The following CACNB4 variants were observed in gnomAD, a reference collection of about 807,000 sequenced individuals.
CACNB4 encodes the protein voltage-dependent L-type calcium channel subunit beta-4.
In CACNB4, 32 loss-of-function variants were observed where a neutral mutation model predicts 71.2. The ratio of observed to expected loss-of-function variants is 0.45; its 90% CI spans 0.34 to 0.60. The LOEUF is 0.60. Among genes scored for constraint, CACNB4 ranks in the 20% least tolerant of loss-of-function variants. The pLI is 0.01. For missense variants in CACNB4, 464 were observed against 647.9 expected, an observed-to-expected ratio of 0.72 and a Z score of 3.08; for synonymous variants, 231 against 236.9, an observed-to-expected ratio of 0.97 and a Z score of 0.23.
rs556766141 is a variant in CACNB4 at position 152,017,163 on chromosome 2, A to ATAT, written c.147+81164_147+81166dup. On this transcript the variant is annotated intron_variant, in intron 2 of 13. Transcript: ENST00000539935. ...ATAGTTATCAAGCTCTAGGGCATAC[A>ATAT]TATAACTAAGGCTGTTTAATGAAAA... is the stretch of plus-strand genomic sequence containing the variant. 1.6e-3 allele frequency among the ~76,000 whole-genome samples: 243 copies of ATAT among 150,060 alleles called. 41 individuals carry two copies. Among genetic ancestry groups the ATAT allele is most frequent in the African/African-American group, 5.9e-3 (233 of 39,366 alleles).
intron 9 of CACNB4, among the ~76,000 whole-genome samples, chr2:151,863,741 A>G (rs113883049): frequency 6.6e-6 from 1 of 152,236 alleles, no homozygotes; most frequent in Non-Finnish European, 1.5e-5. Context: ...AATTCAGAAA[A>G]AAACCTTTTC....
At chr2:151,875,186 GTGATGACTCTTAACGAGCA>G (rs1481815312) in intron 5 of CACNB4, among the ~76,000 whole-genome samples, 47 of 148,788 alleles carry the variant, frequency 3.2e-4, no homozygotes, top group Admixed American at 4.0e-4. Context: ...TTAGGGAGTG[GTGATGACTCTTAACGAGCA>G]TGCTGCCTTC....
Position 152,098,314 on chromosome 2 carries a change from C to T in CACNB4, c.147+16G>A, listed in dbSNP as rs371921613. The T allele has an allele frequency of 2.5e-6, 4 of 1,606,660 alleles. No individual in the cohort carries two copies. Among genetic ancestry groups the T allele is most frequent in the Non-Finnish European group, 3.4e-6 (4 of 1,173,474 alleles). ...CGGCCTCCTCCCCATCCTGGTCTCC[C>T]GCCTCCTTCTCATACCTGTCTGAGG... On this transcript the variant is annotated intron_variant, in intron 2 of 13. Transcript: ENST00000539935. The surrounding 1 kb of genome is among the most constrained non-coding windows in gnomAD (Gnocchi z 5.3).
intron 2 of CACNB4, among the ~76,000 whole-genome samples, chr2:152,064,425 G>A (rs1175998810): frequency 3.3e-5 from 5 of 152,200 alleles, no homozygotes; most frequent in African/African-American, 9.7e-5. Flanking sequence ...CTGTCACACA[G>A]GCTGGAGTGC....
At chr2:151,935,496 G>A (rs2099862715) in intron 2 of CACNB4, among the ~76,000 whole-genome samples, 1 of 152,184 alleles carries the variant, frequency 6.6e-6, no homozygotes, top group Non-Finnish European at 1.5e-5. Context: ...AGCCTGTGTA[G>A]TCTTTCCTAT....
At chr2:151,896,724 A>C (rs2099852170) in intron 2 of CACNB4, among the ~76,000 whole-genome samples, 1 of 152,204 alleles carries the variant, frequency 6.6e-6, no homozygotes, top group Non-Finnish European at 1.5e-5. Context: ...TGTGTGTTAG[A>C]GGTCATTATG....
chr2:152,033,818 G>C (rs1684414306), intron 2 of CACNB4, among the ~76,000 whole-genome samples: 1 of 152,192 alleles, frequency 6.6e-6, no homozygotes, highest in Admixed American at 6.5e-5. Flanking sequence ...TTGCCCTTTT[G>C]TGAGGACTTC....
chr2:152,080,007 T>C (rs1361946470), intron 2 of CACNB4, among the ~76,000 whole-genome samples: 4 of 152,296 alleles, frequency 2.6e-5, no homozygotes, highest in African/African-American at 9.6e-5. Flanking sequence ...AGCTCCTACA[T>C]AATTGCTTTT....
chr2:152,070,732 A>G (rs1312521877), intron 2 of CACNB4, among the ~76,000 whole-genome samples: 1 of 152,210 alleles, frequency 6.6e-6, no homozygotes, highest in Non-Finnish European at 1.5e-5. Flanking sequence ...ACCAATTGGC[A>G]CATCCTAATC....
intron 2 of CACNB4, among the ~76,000 whole-genome samples, chr2:152,011,457 T>C (rs989735743): frequency 5.9e-5 from 9 of 152,200 alleles, no homozygotes; most frequent in African/African-American, 1.2e-4. Flanking sequence ...AGAAATCAAC[T>C]ATGTTGCTAA....
At chr2:152,083,363 AG>A (rs1687468853) in intron 2 of CACNB4, among the ~76,000 whole-genome samples, 1 of 151,628 alleles carries the variant, frequency 6.6e-6, no homozygotes, top group Non-Finnish European at 1.5e-5. Context: ...GGAGGAAGGA[AG>A]GAAGGGAGGG....
At chr2:151,864,976 A>C (rs528428964) in intron 9 of CACNB4, among the ~76,000 whole-genome samples, 1 of 152,352 alleles carries the variant, frequency 6.6e-6, no homozygotes, top group South Asian at 2.1e-4. Flanking sequence ...GAATCAGGTC[A>C]GATACACTGT....
chr2:152,075,516 C>A (rs1686961311), intron 2 of CACNB4, among the ~76,000 whole-genome samples: 2 of 152,158 alleles, frequency 1.3e-5, no homozygotes, highest in Admixed American at 1.3e-4. Flanking sequence ...CCAGAAAAAG[C>A]AACAGAAGGG....
At chr2:151,920,320 T>TC (rs199677739) in intron 2 of CACNB4, among the ~76,000 whole-genome samples, 175 of 50,264 alleles carry the variant, frequency 3.5e-3, no homozygotes, top group Middle Eastern at 0.012. Context: ...TTCTTCTTCT[T>TC]TTTTTTTTTT....
intron 2 of CACNB4, among the ~76,000 whole-genome samples, chr2:152,000,291 T>C (rs1250742758): frequency 6.6e-6 from 1 of 152,218 alleles, no homozygotes; most frequent in Non-Finnish European, 1.5e-5. Context: ...ATGTGGGGGC[T>C]ATCTGGGACC....
rs1177546770 is a variant in CACNB4 at position 151,876,423 on chromosome 2, T to C, written c.521+3A>G. The C allele has an allele frequency of 2.5e-6, 4 of 1,597,168 alleles. No homozygotes were observed. In the South Asian group the frequency reaches 3.4e-5, roughly 13 times the overall value. The stretch of plus-strand genomic sequence containing the variant: ...AAAGTGCATAGAAAAGATGGGAACG[T>C]ACCCTCCGTGAAAACGTCCTCTTTT... On this transcript the variant is annotated splice_donor_region_variant and intron_variant, in intron 5 of 13. Transcript: ENST00000539935.
At chr2:152,031,671 C>T (rs1038291951) in intron 2 of CACNB4, among the ~76,000 whole-genome samples, 1 of 152,134 alleles carries the variant, frequency 6.6e-6, no homozygotes, top group Non-Finnish European at 1.5e-5. Flanking sequence ...CAGCCCCTCC[C>T]GGCCGCCATT....
At chr2:152,051,068 C>T (rs1188407537) in intron 2 of CACNB4, among the ~76,000 whole-genome samples, 1 of 151,884 alleles carries the variant, frequency 6.6e-6, no homozygotes, top group Admixed American at 6.6e-5. Context: ...GGGCCCAGCC[C>T]ACATCCACTT....
At chr2:152,064,097 C>T (rs73000931) in intron 2 of CACNB4, among the ~76,000 whole-genome samples, 6,868 of 152,214 alleles carry the variant, frequency 0.045, 504 homozygotes, top group African/African-American at 0.16. Context: ...AGACAGTCTT[C>T]AATATATAAC....
Sources: allele counts gnomAD v4.1 joint callset (sites outside exome capture counted in the v4.1 genomes callset), GRCh38; gene constraint gnomAD v4.1.1; non-coding constraint Gnocchi (gnomAD v3.1); transcripts MANE v1.5; gene names NCBI Gene and HGNC (gene_info 2026-07-23, HGNC 2026-07-21).